The following LRFN4 variants were observed in gnomAD, a reference collection of about 807,000 sequenced individuals.
LRFN4 encodes leucine-rich repeat and fibronectin type-III domain-containing protein 4.
LRFN4 carries 10 observed loss-of-function variants against 29.0 expected under a neutral mutation model. The ratio of observed to expected loss-of-function variants is 0.35; its 90% CI spans 0.21 to 0.59. The LOEUF is 0.59. Among genes scored for constraint, LRFN4 ranks in the 20% least tolerant of loss-of-function variants. The probability of loss-of-function intolerance (pLI) is 0.82; values close to 1 mark genes in which losing one functional copy is unlikely to be tolerated. For synonymous variants in LRFN4, 493 were observed against 437.0 expected, an observed-to-expected ratio of 1.13 and a Z score of -1.60; for missense variants, 850 against 907.9, an observed-to-expected ratio of 0.94 and a Z score of 0.82.
rs1158223624 is a variant in LRFN4, at chr11:66,858,634, G to A, written c.890G>A (p.Arg297Gln). The A allele has an allele frequency of 4.6e-6, 7 of 1,537,950 alleles. No homozygotes were observed. The highest frequency in any genetic ancestry group is 6.1e-6 in the Non-Finnish European group (7 of 1,143,902). The change falls in exon 1 of 2, where the codon CGG becomes CAG. Residue 297 changes from arginine to glutamine, a missense_variant. By Grantham distance (43) the Arg-to-Gln change is conservative (BLOSUM62 1). Around this residue, in one of 2 missense-constraint regions of LRFN4, gnomAD observed 744 missense variants for 753.8 expected, o/e 0.99. Transcript: ENST00000309602. The surrounding 1 kb of genome is among the most constrained non-coding windows in gnomAD (Gnocchi z 5.9). ...CGCCTCTGGGTGCTGGAAGGCCAGC[G>A]GGCCACGCTGCGGTGCCGGGCCCTG... The part of the protein sequence containing the change: ...TQRLWVLEGQ[R>Q]ATLRCRALGD...
chr11:66,858,035 C>G lies in LRFN4; in HGVS notation c.291C>G (p.Ser97Arg), dbSNP rs745877977. The change falls in exon 1 of 2, where the codon AGC becomes AGG. Residue 97 changes from serine to arginine, a missense_variant. Ser to Arg is a moderately radical substitution (Grantham distance 110, BLOSUM62 -1). Coordinates refer to ENST00000309602, the MANE Select transcript of LRFN4 (RefSeq NM_024036.5). The surrounding 1 kb of genome is among the most constrained non-coding windows in gnomAD (Gnocchi z 5.9). ...CCCGCGCCTTTGGGGACCTCGAGAGCCTGCGTTCCCTCCACCTTGACGGCA... is the reference window on the plus strand; with the variant it reads ...CCCGCGCCTTTGGGGACCTCGAGAGGCTGCGTTCCCTCCACCTTGACGGCA... The part of the protein sequence containing the change: ...IGARAFGDLE[S>R]LRSLHLDGNR... The G allele has an allele frequency of 9.9e-6, 16 of 1,611,518 alleles. No homozygotes were observed. Among genetic ancestry groups the G allele is most frequent in the Non-Finnish European group, 1.4e-5 (16 of 1,179,630 alleles).
At position 66,858,044 on chromosome 11, in the gene LRFN4, C is replaced by T. The variant is rs1187545120; in HGVS notation, c.300C>T (p.Ser100=). Residue 100 remains serine (S), a synonymous_variant, in exon 1 of 2, where the codon TCC becomes TCT. Transcript: ENST00000309602. This position sits in a 1 kb window ranked among gnomAD's most constrained non-coding sequence, Gnocchi z 5.9. The part of the protein sequence containing the change: ...RAFGDLESLR[S]LHLDGNRLVE... ...TTGGGGACCTCGAGAGCCTGCGTTC[C>T]CTCCACCTTGACGGCAACAGGCTGG... 2 of 1,611,182 alleles carry T rather than the reference C, an allele frequency of 1.2e-6. No homozygotes were observed. The highest frequency in any genetic ancestry group is 1.7e-6 in the Non-Finnish European group (2 of 1,179,372).
rs1231658651 is a variant in LRFN4, at chr11:66,858,264, C to T, written c.520C>T (p.Leu174Phe). The T allele has an allele frequency of 7.4e-6, 12 of 1,612,356 alleles. No homozygotes were observed. In the East Asian group the frequency reaches 2.0e-4, roughly 27 times the overall value. The change falls in exon 1 of 2, where the codon CTC becomes TTC. Residue 174 changes from leucine to phenylalanine, a missense_variant. Leu to Phe is a conservative substitution (Grantham distance 22). Transcript: ENST00000309602. This position sits in a 1 kb window ranked among gnomAD's most constrained non-coding sequence, Gnocchi z 5.9. The stretch of plus-strand genomic sequence containing the variant: ...CGGCGCCATGCCTGCCCTGCACACC[C>T]TCAACCTGGACCATAACCTTATTGA... ...GIGAMPALHT[L>F]NLDHNLIDAL... is the part of the protein sequence containing the mutation.
rs1319647916 is a variant in LRFN4 at position 66,859,233 on chromosome 11, G to A, written c.1349+140G>A. 5.0e-6 allele frequency: 6 copies of A among 1,201,344 alleles called. No homozygotes were observed. The Admixed American group carries it at 1.3e-4, about 26-fold the overall frequency. The allele number at this position is 1,201,344 out of a possible 1,614,324, so 74.4% of individuals were successfully genotyped here. ...GACCATGGCTGCTGGACTCTTGGAG[G>A]AGCAGTGGCCTGGCCTGGCCTGGCT... On this transcript the variant is annotated intron_variant, in intron 1 of 1. Transcript: ENST00000309602.
chr11:66,860,121 C>T lies in LRFN4; in HGVS notation c.1834C>T (p.His612Tyr). The change falls in exon 2 of 2, where the codon CAT becomes TAT. Residue 612 changes from histidine (H) to tyrosine (Y), a missense_variant. Physicochemically the swap from His to Tyr is moderately conservative, Grantham distance 83. Coordinates refer to ENST00000309602, the MANE Select transcript of LRFN4 (RefSeq NM_024036.5). ...TTGGGCCCGACGGAGCCACTCTGTG[C>T]ATGGGGGGCTGCTCGGGGCAGGGTG... ...GAWARRSHSV[H>Y]GGLLGAGCRG... 6.4e-7 allele frequency: 1 copy of T among 1,550,870 alleles called. No homozygotes were observed. The highest frequency in any genetic ancestry group is 8.7e-7 in the Non-Finnish European group (1 of 1,147,666).
chr11:66,858,224 G>A lies in LRFN4; in HGVS notation c.480G>A (p.Val160=), dbSNP rs1438077617. Residue 160 remains valine (V), a synonymous_variant, in exon 1 of 2, where the codon GTG becomes GTA. Coordinates refer to ENST00000309602, the MANE Select transcript of LRFN4 (RefSeq NM_024036.5). The surrounding 1 kb of genome is among the most constrained non-coding windows in gnomAD (Gnocchi z 5.9). ...LDLSYNNLRQ[V]PWAGIGAMPA... ...TGTCCTACAACAACCTCCGGCAGGT[G>A]CCCTGGGCCGGCATCGGCGCCATGC... 1.2e-6 allele frequency: 2 copies of A among 1,612,432 alleles called. No individual in the cohort carries two copies. Among genetic ancestry groups the A allele is most frequent in the South Asian group, 1.1e-5 (1 of 91,072 alleles).
chr11:66,857,678 C>G lies in LRFN4; in HGVS notation c.-67C>G. The G allele has an allele frequency of 1.3e-6, 2 of 1,505,380 alleles. No homozygotes were observed. The highest frequency in any genetic ancestry group is 1.3e-5 in the South Asian group (1 of 78,794). 93.3% of individuals were successfully genotyped at this position (1,505,380 alleles called of 1,614,324 possible). ...GCTGGCTTCTGGGACTGTCCTGGGC[C>G]CAAGTGGGCACCTGCGCCAGCCCCA... On this transcript the variant is annotated 5_prime_UTR_variant, in exon 1 of 2. Coordinates refer to ENST00000309602, the MANE Select transcript of LRFN4 (RefSeq NM_024036.5). This position sits in a 1 kb window ranked among gnomAD's most constrained non-coding sequence, Gnocchi z 7.1.
In LRFN4 at chr11:66,858,887, G is replaced by A. The variant is rs1245409058; in HGVS notation, c.1143G>A (p.Gly381=). 1.3e-6 allele frequency: 2 copies of A among 1,552,804 alleles called. No individual in the cohort carries two copies. Among genetic ancestry groups the A allele is most frequent in the South Asian group, 1.2e-5 (1 of 85,120 alleles). ...LPHGGNSSAE[G]GRPGPSDIAA... is the part of the protein sequence containing the mutation. ...ATGGTGGGAACAGCAGTGCCGAGGG[G>A]GGCCGCCCCGGGCCCTCGGACATCG... The change falls in exon 1 of 2, where the codon GGG becomes GGA. Residue 381 remains glycine, a synonymous_variant. Transcript: ENST00000309602. The surrounding 1 kb of genome is among the most constrained non-coding windows in gnomAD (Gnocchi z 5.9).
At position 66,858,481 on chromosome 11, in the gene LRFN4, G is replaced by C. The variant is rs771448599; in HGVS notation, c.737G>C (p.Arg246Pro). ...LHCNCELLWL[R>P]RLARPDDLET... ...TGCAACTGTGAGCTGCTGTGGCTGC[G>C]GCGGCTGGCGCGGCCGGACGACCTG... The change falls in exon 1 of 2, where the codon CGG becomes CCG. Residue 246 changes from arginine to proline, a missense_variant. Arg to Pro is a moderately radical substitution (Grantham distance 103). Transcript: ENST00000309602. This position sits in a 1 kb window ranked among gnomAD's most constrained non-coding sequence, Gnocchi z 5.9. 3.9e-6 allele frequency: 6 copies of C among 1,542,092 alleles called. No homozygotes were observed. The highest frequency in any genetic ancestry group is 1.2e-5 in the South Asian group (1 of 84,612).
chr11:66,857,664 G>T lies in LRFN4; in HGVS notation c.-81G>T. The T allele has an allele frequency of 1.4e-6, 2 of 1,436,200 alleles. No homozygotes were observed. Among genetic ancestry groups the T allele is most frequent in the Non-Finnish European group, 1.8e-6 (2 of 1,082,058 alleles). 89.0% of individuals were successfully genotyped at this position (1,436,200 alleles called of 1,614,324 possible). A position where few individuals can be genotyped will look rare whatever the true frequency, so the allele number is the denominator to read the frequency against. On this transcript the variant is annotated 5_prime_UTR_variant, in exon 1 of 2. Coordinates refer to ENST00000309602, the MANE Select transcript of LRFN4 (RefSeq NM_024036.5). This position sits in a 1 kb window ranked among gnomAD's most constrained non-coding sequence, Gnocchi z 7.1. Reference sequence around the variant, plus strand: ...CCAGGCTCACAGAAGCTGGCTTCTGGGACTGTCCTGGGCCCAAGTGGGCAC... The same window carrying T: ...CCAGGCTCACAGAAGCTGGCTTCTGTGACTGTCCTGGGCCCAAGTGGGCAC...
chr11:66,858,422 C>G lies in LRFN4; in HGVS notation c.678C>G (p.Pro226=), dbSNP rs370566594. Residue 226 remains proline, a synonymous_variant, in exon 1 of 2, where the codon CCC becomes CCG. Transcript: ENST00000309602. The surrounding 1 kb of genome is among the most constrained non-coding windows in gnomAD (Gnocchi z 5.9). ...GTGATGCAGAGGCCTCTCCCGCCCC[C>G]CTGGTGCTGAGCTTTAGCGGGAACC... ...RGRDAEASPA[P]LVLSFSGNPL... is the part of the protein sequence containing the mutation. 70 of 1,555,198 alleles carry G rather than the reference C, an allele frequency of 4.5e-5. No homozygotes were observed. Among genetic ancestry groups the G allele is most frequent in the Admixed American group, 1.7e-4 (9 of 52,474 alleles).
At position 66,860,313 on chromosome 11, in the gene LRFN4, C is replaced by G; in HGVS notation, c.*118C>G. ...TTTATTCTCAGTACCTCAGGCTCCCCTGTGTACTTGGAGGGGCAGGGAGCC... is the reference window on the plus strand; with the variant it reads ...TTTATTCTCAGTACCTCAGGCTCCCGTGTGTACTTGGAGGGGCAGGGAGCC... On this transcript the variant is annotated 3_prime_UTR_variant, in exon 2 of 2. Coordinates refer to ENST00000309602, the MANE Select transcript of LRFN4 (RefSeq NM_024036.5). 1 of 1,409,472 alleles carries G rather than the reference C, an allele frequency of 7.1e-7. No homozygotes were observed. The highest frequency in any genetic ancestry group is 9.7e-7 in the Non-Finnish European group (1 of 1,031,126). The allele number at this position is 1,409,472 out of a possible 1,614,324, so 87.3% of individuals were successfully genotyped here.
At position 66,859,805 on chromosome 11, in the gene LRFN4, C is replaced by T. The variant is rs1446786137; in HGVS notation, c.1518C>T (p.Cys506=). Reference sequence around the variant, plus strand: ...CCACGCTGCCGGCCTCGCCCCTGTGCCACGCCCTGCAGGCCCACGTGCTGG... The same window carrying T: ...CCACGCTGCCGGCCTCGCCCCTGTGTCACGCCCTGCAGGCCCACGTGCTGG... ...HFSTLPASPL[C]HALQAHVLGG... is the part of the protein sequence containing the mutation. The change falls in exon 2 of 2, where the codon TGC becomes TGT. Residue 506 remains cysteine, a synonymous_variant. Coordinates refer to ENST00000309602, the MANE Select transcript of LRFN4 (RefSeq NM_024036.5). 1 of 1,588,976 alleles carries T rather than the reference C, an allele frequency of 6.3e-7. No homozygotes were observed. Among genetic ancestry groups the T allele is most frequent in the Non-Finnish European group, 8.6e-7 (1 of 1,167,522 alleles).
Position 66,859,810 on chromosome 11 carries a change from C to T in LRFN4, c.1523C>T (p.Ala508Val), listed in dbSNP as rs147064009. ...CTGCCGGCCTCGCCCCTGTGCCACG[C>T]CCTGCAGGCCCACGTGCTGGGCGGG... is the stretch of plus-strand genomic sequence containing the variant. Reference protein sequence around the residue: ...STLPASPLCHALQAHVLGGTL... With the variant: ...STLPASPLCHVLQAHVLGGTL... Residue 508 changes from alanine to valine, a missense_variant, in exon 2 of 2, where the codon GCC becomes GTC. Transcript: ENST00000309602. The T allele has an allele frequency of 3.1e-5, 49 of 1,585,832 alleles. No homozygotes were observed. In the African/African-American group the frequency reaches 6.3e-4, roughly 20 times the overall value.
Position 66,858,110 on chromosome 11 carries a change from G to A in LRFN4, c.366G>A (p.Leu122=). The A allele has an allele frequency of 6.2e-7, 1 of 1,610,578 alleles. No homozygotes were observed. The highest frequency in any genetic ancestry group is 8.5e-7 in the Non-Finnish European group (1 of 1,178,906). ...GTGSLRGPVN[L]QHLILSGNQL... is the part of the protein sequence containing the mutation. ...GGAGCCTCCGGGGCCCCGTCAATCT[G>A]CAGCACCTCATCCTCAGCGGCAACC... is the stretch of plus-strand genomic sequence containing the variant. Residue 122 remains leucine (L), a synonymous_variant, in exon 1 of 2, where the codon CTG becomes CTA. Transcript: ENST00000309602. The surrounding 1 kb of genome is among the most constrained non-coding windows in gnomAD (Gnocchi z 5.9).
Position 66,857,694 on chromosome 11 carries a change from G to A in LRFN4, c.-51G>A, listed in dbSNP as rs756810881. Reference sequence around the variant, plus strand: ...GTCCTGGGCCCAAGTGGGCACCTGCGCCAGCCCCACCTGTGCCTGGGCTGT... The same window carrying A: ...GTCCTGGGCCCAAGTGGGCACCTGCACCAGCCCCACCTGTGCCTGGGCTGT... On this transcript the variant is annotated 5_prime_UTR_variant, in exon 1 of 2. Coordinates refer to ENST00000309602, the MANE Select transcript of LRFN4 (RefSeq NM_024036.5). The surrounding 1 kb of genome is among the most constrained non-coding windows in gnomAD (Gnocchi z 7.1). 3.9e-6 allele frequency: 6 copies of A among 1,535,120 alleles called. No individual in the cohort carries two copies. The South Asian group carries it at 4.9e-5, about 12-fold the overall frequency.
Position 66,860,104 on chromosome 11 carries a change from G to C in LRFN4, c.1817G>C (p.Arg606Pro). The change falls in exon 2 of 2, where the codon CGA becomes CCA. Residue 606 changes from arginine to proline, a missense_variant. By Grantham distance (103) the Arg-to-Pro change is moderately radical (BLOSUM62 -2). Coordinates refer to ENST00000309602, the MANE Select transcript of LRFN4 (RefSeq NM_024036.5). ...AGGCGCCTGGGAGGAGCTTGGGCCC[G>C]ACGGAGCCACTCTGTGCATGGGGGG... is the stretch of plus-strand genomic sequence containing the variant. The part of the protein sequence containing the change: ...YARRLGGAWA[R>P]RSHSVHGGLL... 1.9e-6 allele frequency: 3 copies of C among 1,551,752 alleles called. No individual in the cohort carries two copies. The highest frequency in any genetic ancestry group is 2.6e-6 in the Non-Finnish European group (3 of 1,148,046).
In LRFN4 at chr11:66,859,386, C is replaced by T. The variant is rs903859132; in HGVS notation, c.1350-251C>T. On this transcript the variant is annotated intron_variant, in intron 1 of 1. Coordinates refer to ENST00000309602, the MANE Select transcript of LRFN4 (RefSeq NM_024036.5). ...GGGTCTGTCTGAAGCACATGGCCCG[C>T]GCCCGCGTGTTATTTCTGCCTCTGC... is the stretch of plus-strand genomic sequence containing the variant. 4.6e-5 allele frequency among the ~76,000 whole-genome samples: 7 copies of T among 152,278 alleles called. No individual in the cohort carries two copies. In the South Asian group the frequency reaches 8.3e-4, roughly 18 times the overall value.
chr11:66,858,314 C>T lies in LRFN4; in HGVS notation c.570C>T (p.Ala190=), dbSNP rs1402559099. The T allele has an allele frequency of 5.0e-6, 8 of 1,609,144 alleles. No individual in the cohort carries two copies. In the East Asian group the frequency reaches 6.7e-5, roughly 13 times the overall value. ...ACGCACTGCCCCCAGGCGCCTTCGC[C>T]CAGCTCGGTCAGCTCTCCCGCCTGG... The part of the protein sequence containing the change: ...LIDALPPGAF[A]QLGQLSRLDL... Residue 190 remains alanine, a synonymous_variant, in exon 1 of 2, where the codon GCC becomes GCT. Transcript: ENST00000309602. This position sits in a 1 kb window ranked among gnomAD's most constrained non-coding sequence, Gnocchi z 5.9.
Sources: allele counts gnomAD v4.1 joint callset (sites outside exome capture counted in the v4.1 genomes callset), GRCh38; gene constraint gnomAD v4.1.1; regional missense constraint gnomAD v4.1.1; non-coding constraint Gnocchi (gnomAD v3.1); transcripts MANE v1.5; gene names NCBI Gene and HGNC (gene_info 2026-07-23, HGNC 2026-07-21).